Variants in MPHOSPH9 observed in about 807,000 individuals in gnomAD.
The protein encoded by MPHOSPH9 is M-phase phosphoprotein 9.
MPHOSPH9 carries 88 observed loss-of-function variants against 145.5 expected under a neutral mutation model. The ratio of observed to expected loss-of-function variants is 0.60; its 90% CI spans 0.51 to 0.72. The LOEUF (loss-of-function observed/expected upper bound fraction) is 0.72, where lower values mean the gene tolerates loss of function less well. MPHOSPH9 is among the 30% of genes least tolerant of loss of function. The pLI, the probability that MPHOSPH9 is intolerant of heterozygous loss-of-function variation, is 0.00. For synonymous variants in MPHOSPH9, 435 were observed against 486.2 expected (o/e 0.89, Z 1.39); for missense variants, 1,238 against 1,386.6 (o/e 0.89, Z 1.70).
downstream of MPHOSPH9, among the ~76,000 whole-genome samples, chr12:123,154,056 C>G (rs953897729): frequency 6.6e-6 from 1 of 152,134 alleles, no homozygotes; most frequent in South Asian, 2.1e-4. Context: ...TTGGAAAAGT[C>G]CTTCAGTTGC....
chr12:123,165,008 ACTGTCTC>A (rs2044253069), intron 18 of MPHOSPH9, among the ~76,000 whole-genome samples: 1 of 88,168 alleles, frequency 1.1e-5, no homozygotes, highest in Non-Finnish European at 2.1e-5. Flanking sequence ...ACTCTGTCTC[ACTGTCTC>A]AAAAAAAAAA....
rs768866302 is a variant in MPHOSPH9, at chr12:123,193,071, CAAAAAAAAAAAAAA to C, written c.2241+1301_2241+1314del. On this transcript the variant is annotated intron_variant, in intron 13 of 23. Transcript: ENST00000606320. The stretch of plus-strand genomic sequence containing the variant: ...TGGGCGACAGAGAGGGATTGTCTTT[CAAAAAAAAAAAAAA>C]AAAAAAAAAAAATATATATATATAC... Among the ~76,000 whole-genome samples the C allele has an allele frequency of 4.4e-3, 131 of 29,598 alleles. 1 individual carries two copies. The highest frequency in any genetic ancestry group is 0.018 in the African/African-American group (123 of 6,908). The allele number at this position is 29,598 out of a possible 152,430, so 19.4% of individuals were successfully genotyped here. A position where few individuals can be genotyped will look rare whatever the true frequency, so the allele number is the denominator to read the frequency against.
chr12:123,162,343 G>T (rs1307053342), intron 20 of MPHOSPH9, 125 bp from the exon 21 acceptor site: 6 of 441,146 alleles, frequency 1.4e-5, no homozygotes, highest in African/African-American at 2.0e-5. Context: ...AAGAAAGCTG[G>T]TTATGTAATT....
rs747652910 is a variant in MPHOSPH9, at chr12:123,218,471, G to A, written c.901C>T (p.Leu301=). ...SNAITSWAQK[L]KQNQPKRAHV... ...GCTCTCTTTGGTTGGTTCTGCTTCA[G>A]TTTTTGTGCCCATGATGTTATAGCA... is the stretch of plus-strand genomic sequence containing the variant. The change falls in exon 6 of 24, where the codon CTG becomes TTG. Residue 301 remains leucine (L), a synonymous_variant. Transcript: ENST00000606320. 1 of 1,613,286 alleles carries A rather than the reference G, an allele frequency of 6.2e-7. No homozygotes were observed. Among genetic ancestry groups the A allele is most frequent in the South Asian group, 1.1e-5 (1 of 91,066 alleles).
At position 123,179,841 on chromosome 12, in the gene MPHOSPH9, A is replaced by G. The variant is rs141333527; in HGVS notation, c.2354+85T>C. 55 of 709,782 alleles carry G rather than the reference A, an allele frequency of 7.7e-5. No individual in the cohort carries two copies. The Admixed American group carries it at 1.1e-3, about 14-fold the overall frequency. The allele number at this position is 709,782 out of a possible 1,614,324, so 44.0% of individuals were successfully genotyped here. A position where few individuals can be genotyped will look rare whatever the true frequency, so the allele number is the denominator to read the frequency against. On this transcript the variant is annotated intron_variant, in intron 15 of 23. Transcript: ENST00000606320. ...CTCAAACTGCTTAAAAATCCTCAAG[A>G]AAAACTTCCTTCTCATCATGTTCAA...
chr12:123,191,493 G>A (rs994697234), intron 13 of MPHOSPH9, among the ~76,000 whole-genome samples: 2 of 152,062 alleles, frequency 1.3e-5, no homozygotes, highest in Non-Finnish European at 2.9e-5. Flanking sequence ...GGGTTTTACC[G>A]TGTTGGCCAG....
upstream of MPHOSPH9, among the ~76,000 whole-genome samples, chr12:123,237,407 G>A (rs2047868498): frequency 6.6e-6 from 1 of 152,208 alleles, no homozygotes. Context: ...TCTAGCCTGG[G>A]TGACAAGCGA....
At chr12:123,230,565 C>G in intron 1 of MPHOSPH9, 43 bp from the exon 2 acceptor site, 1 of 436,260 alleles carries the variant, frequency 2.3e-6, no homozygotes, top group Non-Finnish European at 4.1e-6. Context: ...TAAAAAGCCA[C>G]CAAAGCTAGC....
chr12:123,215,134 C>T (rs1010062153), intron 6 of MPHOSPH9, among the ~76,000 whole-genome samples: 9 of 151,938 alleles, frequency 5.9e-5, no homozygotes, highest in Non-Finnish European at 1.2e-4. Flanking sequence ...CCCAGCTACT[C>T]GGCAGGCTGA....
At position 123,193,106 on chromosome 12, in the gene MPHOSPH9, T is replaced by TAC. The variant is rs1425195261; in HGVS notation, c.2241+1279_2241+1280insGT. Among the ~76,000 whole-genome samples, 153 of 97,216 alleles carry TAC rather than the reference T, an allele frequency of 1.6e-3. 6 individuals carry two copies. Among genetic ancestry groups the TAC allele is most frequent in the African/African-American group, 5.9e-3 (131 of 22,078 alleles). The allele number at this position is 97,216 out of a possible 152,430, so 63.8% of individuals were successfully genotyped here. A position where few individuals can be genotyped will look rare whatever the true frequency, so the allele number is the denominator to read the frequency against. ...AAAAAAAAAAAAAAAAATATATATA[T>TAC]ATACACACACACACACACACACACA... On this transcript the variant is annotated intron_variant, in intron 13 of 23. Transcript: ENST00000606320.
chr12:123,162,853 C>A, intron 20 of MPHOSPH9, 161 bp downstream of exon 20: 2 of 627,924 alleles, frequency 3.2e-6, no homozygotes, highest in Non-Finnish European at 2.5e-6. Flanking sequence ...CATTGTACTG[C>A]AGTACTTTAG....
chr12:123,201,148 A>G (rs541320930), intron 11 of MPHOSPH9, among the ~76,000 whole-genome samples: 8 of 152,318 alleles, frequency 5.3e-5, no homozygotes, highest in East Asian at 1.9e-4. Context: ...GAAACATTCA[A>G]TAAGACAGCC....
At chr12:123,152,521 T>C (rs1409037056), downstream of MPHOSPH9, 2 of 455,136 alleles carry the variant, frequency 4.4e-6, no homozygotes, top group East Asian at 1.4e-4. Context: ...GTGAAATTGT[T>C]AGATGTAAAA....
intron 12 of MPHOSPH9, among the ~76,000 whole-genome samples, chr12:123,197,226 A>G (rs2045997707): frequency 6.6e-6 from 1 of 151,946 alleles, no homozygotes; most frequent in Admixed American, 6.6e-5. Flanking sequence ...TCTCTTGCCC[A>G]GGCTACAGTG....
intron 9 of MPHOSPH9, 60 bp downstream of exon 9, chr12:123,203,190 T>C: frequency 6.3e-7 from 1 of 1,596,514 alleles, no homozygotes; most frequent in South Asian, 1.1e-5. Flanking sequence ...AAGCTTGAGG[T>C]AAAAGTTAGA....
intron 16 of MPHOSPH9, among the ~76,000 whole-genome samples, chr12:123,176,118 GTTA>G (rs2044851950): frequency 6.6e-6 from 1 of 151,896 alleles, no homozygotes; most frequent in Non-Finnish European, 1.5e-5. Context: ...TCATTATAAA[GTTA>G]TTATTTACTT....
rs542175331 is a variant in MPHOSPH9, at chr12:123,203,885, C to A, written c.1195-510G>T. 7.9e-5 allele frequency among the ~76,000 whole-genome samples: 12 copies of A among 152,274 alleles called. No individual in the cohort carries two copies. The South Asian group carries it at 2.1e-3, about 26-fold the overall frequency. On this transcript the variant is annotated intron_variant, in intron 8 of 23. Transcript: ENST00000606320. ...TTTTTTTTGTAGAGACAGGGTCTCA[C>A]CATGTTGCCCAGGCTAGTCTCAAAC...
intron 18 of MPHOSPH9, among the ~76,000 whole-genome samples, chr12:123,164,819 G>T (rs2044244757): frequency 6.6e-6 from 1 of 152,134 alleles, no homozygotes; most frequent in Non-Finnish European, 1.5e-5. Context: ...GACCAACCTG[G>T]CCAACATGGT....
chr12:123,194,382 T>G lies in MPHOSPH9; in HGVS notation c.2241+4A>C, dbSNP rs1196591221. ...TCATTAAGTTACTATTATTCGCTAC[T>G]TACATCTTGAAACATTTTGTTCTCT... On this transcript the variant is annotated splice_donor_region_variant and intron_variant, in intron 13 of 23. Coordinates refer to ENST00000606320, the MANE Select transcript of MPHOSPH9 (RefSeq NM_022782.4). 6.4e-7 allele frequency: 1 copy of G among 1,567,376 alleles called. No individual in the cohort carries two copies. The highest frequency in any genetic ancestry group is 8.7e-7 in the Non-Finnish European group (1 of 1,151,380).
Sources: gnomAD v4.1 joint callset for allele counts (sites outside exome capture counted in the v4.1 genomes callset) on GRCh38, gnomAD v4.1.1 for gene constraint, MANE v1.5 for transcripts, NCBI Gene and HGNC (gene_info 2026-07-23, HGNC 2026-07-21) for gene names.